Variants in SLC4A1AP observed in about 807,000 individuals in gnomAD.
SLC4A1AP encodes the protein solute carrier family 4 member 1 adaptor protein.
Under a neutral mutation model 89.7 loss-of-function variants are expected in SLC4A1AP, and 64 were observed. That is an observed-to-expected ratio of 0.71 (90% CI 0.58 to 0.88). The LOEUF (loss-of-function observed/expected upper bound fraction) is 0.88, where lower values mean the gene tolerates loss of function less well. SLC4A1AP is among the 40% of genes least tolerant of loss of function. The pLI is 0.00. For synonymous variants in SLC4A1AP, 366 were observed against 353.3 expected (o/e 1.04, Z -0.40); for missense variants, 931 against 965.0 (o/e 0.96, Z 0.47).
At chr2:27,678,028 T>A in intron 8 of SLC4A1AP, 104 bp downstream of exon 8, 1 of 756,464 alleles carries the variant, frequency 1.3e-6, no homozygotes, top group South Asian at 2.6e-5. Context: ...AATACAAATG[T>A]AATGCAAGGA....
At chr2:27,690,979 G>T (rs116261245) in intron 12 of SLC4A1AP, among the ~76,000 whole-genome samples, 236 of 152,170 alleles carry the variant, frequency 1.6e-3, no homozygotes, top group African/African-American at 5.3e-3. Flanking sequence ...GTTCACCAGG[G>T]ATATTGGGCT....
At chr2:27,664,630 G>A (rs1675274261) in intron 1 of SLC4A1AP, 53 bp downstream of exon 1, 3 of 1,371,176 alleles carry the variant, frequency 2.2e-6, no homozygotes, top group Non-Finnish European at 1.0e-6. Context: ...CTGCGTTCTT[G>A]TGCTTCTTAA....
intron 7 of SLC4A1AP, 103 bp from the exon 8 acceptor site, chr2:27,677,635 T>C: frequency 1.1e-6 from 1 of 937,274 alleles, no homozygotes; most frequent in South Asian, 1.8e-5. Flanking sequence ...AGTGATGTCC[T>C]CTGTCCGGTT....
At chr2:27,679,281 C>A (rs942511928) in intron 8 of SLC4A1AP, among the ~76,000 whole-genome samples, 2 of 151,990 alleles carry the variant, frequency 1.3e-5, no homozygotes, top group African/African-American at 4.8e-5. Flanking sequence ...ATTAGAAATC[C>A]CCTAAATGTT....
At chr2:27,664,691 G>T in intron 1 of SLC4A1AP, 114 bp downstream of exon 1, 1 of 800,568 alleles carries the variant, frequency 1.2e-6, no homozygotes, top group Non-Finnish European at 2.0e-6. Flanking sequence ...GAAAGTGAAG[G>T]AATCAAGTCT....
At chr2:27,694,740 A>C in exon 14 of SLC4A1AP, 1 of 1,250,700 alleles carries the variant, frequency 8.0e-7, no homozygotes, top group Non-Finnish European at 1.1e-6. Flanking sequence ...AATATTTGGG[A>C]TAATGTATCA....
chr2:27,678,500 T>G (rs1235204420), intron 8 of SLC4A1AP, among the ~76,000 whole-genome samples: 2 of 151,788 alleles, frequency 1.3e-5, no homozygotes, highest in Non-Finnish European at 2.9e-5. Flanking sequence ...GCCATTGCAC[T>G]CCAGCATGGG....
intron 3 of SLC4A1AP, chr2:27,668,618 TTC>T: frequency 3.0e-6 from 2 of 677,206 alleles, no homozygotes; most frequent in Non-Finnish European, 5.4e-6. Flanking sequence ...CCCGGCTAAT[TTC>T]TGTATTTTTT....
chr2:27,674,262 G>A (rs1675479025), intron 5 of SLC4A1AP, among the ~76,000 whole-genome samples: 1 of 152,120 alleles, frequency 6.6e-6, no homozygotes, highest in African/African-American at 2.4e-5. Context: ...AATGGGGGAG[G>A]AATTTTCTAG....
At chr2:27,668,573 CG>C in intron 3 of SLC4A1AP, 1 of 609,198 alleles carries the variant, frequency 1.6e-6, no homozygotes, top group Non-Finnish European at 3.1e-6. Context: ...CCTTAGCCCC[CG>C]TAGTAGCTGG....
intron 9 of SLC4A1AP, among the ~76,000 whole-genome samples, chr2:27,682,767 C>T (rs1316915587): frequency 6.6e-6 from 1 of 152,118 alleles, no homozygotes; most frequent in Non-Finnish European, 1.5e-5. Flanking sequence ...CGTGATCCAC[C>T]TGCCTTGGCC....
At chr2:27,686,136 T>C (rs145188109) in intron 10 of SLC4A1AP, among the ~76,000 whole-genome samples, 24 of 152,330 alleles carry the variant, frequency 1.6e-4, no homozygotes, top group Non-Finnish European at 2.1e-4. Context: ...TGGGAATGCA[T>C]GCATGTCTAC....
At chr2:27,666,931 G>A (rs965520295) in intron 2 of SLC4A1AP, among the ~76,000 whole-genome samples, 2 of 150,974 alleles carry the variant, frequency 1.3e-5, no homozygotes, top group African/African-American at 4.9e-5. Flanking sequence ...CAGGTAGCGC[G>A]ATCTTGGCTC....
chr2:27,665,039 GC>G, intron 1 of SLC4A1AP, 60 bp from the exon 2 acceptor site: 1 of 1,405,600 alleles, frequency 7.1e-7, no homozygotes, highest in South Asian at 1.3e-5. Flanking sequence ...TCCAGCCTAG[GC>G]GACAGAGCAA....
chr2:27,668,774 A>G, intron 3 of SLC4A1AP, 69 bp from the exon 4 acceptor site: 1 of 1,379,920 alleles, frequency 7.2e-7, no homozygotes, highest in South Asian at 1.2e-5. Flanking sequence ...GTTTGTTCTC[A>G]TTTATCATTG....
At chr2:27,664,038 A>T (rs1253705886) in exon 1 of SLC4A1AP, 1 of 1,614,110 alleles carries the variant, frequency 6.2e-7, no homozygotes, top group African/African-American at 1.3e-5. Context: ...CAGTTCTTCA[A>T]ACCCTGAGGA....
chr2:27,690,271 A>G (rs1675769189), intron 12 of SLC4A1AP, among the ~76,000 whole-genome samples: 2 of 152,080 alleles, frequency 1.3e-5, no homozygotes, highest in Non-Finnish European at 2.9e-5. Context: ...TGTACATTGT[A>G]CCCAATATGC....
At chr2:27,664,530 G>A in exon 1 of SLC4A1AP, 2 of 1,614,068 alleles carry the variant, frequency 1.2e-6, no homozygotes, top group Non-Finnish European at 1.7e-6. Context: ...AGTCCACGTT[G>A]GGCATGTTGT....
intron 8 of SLC4A1AP, among the ~76,000 whole-genome samples, chr2:27,681,581 G>C (rs982208011): frequency 7.9e-5 from 12 of 152,112 alleles, no homozygotes; most frequent in African/African-American, 2.9e-4. Flanking sequence ...TGCCTGCTCT[G>C]AGTATCTTGT....
Sources: gnomAD v4.1 joint callset for allele counts (sites outside exome capture counted in the v4.1 genomes callset) on GRCh38, gnomAD v4.1.1 for gene constraint, MANE v1.5 for transcripts, NCBI Gene and HGNC (gene_info 2026-07-23, HGNC 2026-07-21) for gene names.